The following ACACA variants were observed in gnomAD, a reference collection of about 807,000 sequenced individuals.
The protein encoded by ACACA is acetyl-CoA carboxylase alpha, also known as acetyl-CoA carboxylase 1.
In ACACA, 103 loss-of-function variants were observed where a neutral mutation model predicts 296.1. The ratio of observed to expected loss-of-function variants is 0.35; its 90% CI spans 0.30 to 0.41. The LOEUF (loss-of-function observed/expected upper bound fraction) is 0.41, where lower values mean the gene tolerates loss of function less well. ACACA is among the 10% of genes least tolerant of loss of function. ACACA has a pLI of 1.00. For missense variants in ACACA, 1,554 were observed against 2,989.7 expected (o/e 0.52, Z 11.20); for synonymous variants, 953 against 1,038.6 (o/e 0.92, Z 1.58).
rs531367778 is a variant in ACACA, at chr17:37,103,225, G to C, written c.6566-5241C>G. 8.5e-4 allele frequency among the ~76,000 whole-genome samples: 130 copies of C among 152,238 alleles called. 1 individual carries two copies. Among genetic ancestry groups the C allele is most frequent in the African/African-American group, 2.8e-3 (117 of 41,528 alleles). On this transcript the variant is annotated intron_variant, in intron 52 of 55. Coordinates refer to ENST00000616317, the MANE Select transcript of ACACA (RefSeq NM_198834.3). ...ACAAATATGTCAATGTCTATTTTCTGCTTAATTTAAAAGTGGCGTCTATAA... is the reference window on the plus strand; with the variant it reads ...ACAAATATGTCAATGTCTATTTTCTCCTTAATTTAAAAGTGGCGTCTATAA...
intron 1 of ACACA, among the ~76,000 whole-genome samples, chr17:37,350,794 A>G (rs2048863828): frequency 1.3e-5 from 2 of 149,922 alleles, no homozygotes. Flanking sequence ...AGCCAAGATC[A>G]GGCCATTGTA....
Position 37,227,846 on chromosome 17 carries a change from C to T in ACACA, c.3247-1394G>A, listed in dbSNP as rs895214668. On this transcript the variant is annotated intron_variant, in intron 25 of 55. Transcript: ENST00000616317. ...CTGCACTCCAGCCTGGGCAACAGAGCGAGACTCTGTCTCAAAAAAAAAAAA... is the reference window on the plus strand; with the variant it reads ...CTGCACTCCAGCCTGGGCAACAGAGTGAGACTCTGTCTCAAAAAAAAAAAA... Among the ~76,000 whole-genome samples the T allele has an allele frequency of 6.0e-5, 8 of 132,926 alleles. 1 individual carries two copies. The East Asian group carries it at 1.3e-3, about 21-fold the overall frequency. The allele number at this position is 132,926 out of a possible 152,430, so 87.2% of individuals were successfully genotyped here.
At chr17:37,109,439 G>A (rs2073865885) in intron 52 of ACACA, among the ~76,000 whole-genome samples, 2 of 152,208 alleles carry the variant, frequency 1.3e-5, no homozygotes, top group South Asian at 4.1e-4. Flanking sequence ...GTTCGGAGAA[G>A]TTAAATAATT....
At chr17:37,350,651 C>G (rs964119150) in intron 1 of ACACA, among the ~76,000 whole-genome samples, 1 of 152,000 alleles carries the variant, frequency 6.6e-6, no homozygotes, top group Non-Finnish European at 1.5e-5. Flanking sequence ...AACAGCCTGA[C>G]CAACATGGAG....
Position 37,234,957 on chromosome 17 carries a change from C to T in ACACA, c.3246+18G>A. The T allele has an allele frequency of 1.2e-6, 2 of 1,613,590 alleles. No homozygotes were observed. The highest frequency in any genetic ancestry group is 1.7e-6 in the Non-Finnish European group (2 of 1,179,844). On this transcript the variant is annotated intron_variant, in intron 25 of 55. Coordinates refer to ENST00000616317, the MANE Select transcript of ACACA (RefSeq NM_198834.3). The stretch of plus-strand genomic sequence containing the variant: ...ATATCATTGACGGTCTTTACAAGTT[C>T]TGAAAAATGGTACTCACAATAAGCA...
intron 7 of ACACA, 146 bp from the exon 8 acceptor site, chr17:37,276,195 G>A (rs2082278470): frequency 1.4e-6 from 1 of 693,972 alleles, no homozygotes; most frequent in Admixed American, 2.1e-5. Flanking sequence ...AAATTATGGG[G>A]ACTATTATGC....
At chr17:37,324,670 C>CAA (rs781511745) in intron 3 of ACACA, among the ~76,000 whole-genome samples, 1 of 95,746 alleles carries the variant, frequency 1.0e-5, no homozygotes, top group Non-Finnish European at 2.2e-5. Context: ...AACTCCATCT[C>CAA]AAAAAAAAAA....
intron 35 of ACACA, among the ~76,000 whole-genome samples, chr17:37,194,932 CA>C (rs1339676619): frequency 6.7e-6 from 1 of 150,230 alleles, no homozygotes; most frequent in Non-Finnish European, 1.5e-5. Context: ...AATTCTCTGA[CA>C]CCCCCCCCAC....
chr17:37,243,297 A>G (rs1415686406), intron 22 of ACACA, 74 bp downstream of exon 22: 6 of 1,461,768 alleles, frequency 4.1e-6, no homozygotes, highest in East Asian at 2.3e-5. Context: ...GGAGGATCCA[A>G]ATAGGAAGGA....
chr17:37,366,714 G>T (rs568996512), intron 1 of ACACA, among the ~76,000 whole-genome samples: 3,961 of 151,842 alleles, frequency 0.026, 75 homozygotes, highest in Non-Finnish European at 0.039. Context: ...TGATCCACCC[G>T]CCTTAGCCTC....
intron 54 of ACACA, among the ~76,000 whole-genome samples, chr17:37,091,524 T>C (rs1246500506): frequency 6.6e-6 from 1 of 152,200 alleles, no homozygotes; most frequent in Non-Finnish European, 1.5e-5. Context: ...TGTTGTGGGA[T>C]AATTTGCTCC....
intron 3 of ACACA, among the ~76,000 whole-genome samples, chr17:37,292,235 C>A (rs1336567109): frequency 1.3e-5 from 2 of 152,044 alleles, no homozygotes; most frequent in African/African-American, 4.8e-5. Flanking sequence ...CTAAGTAAAG[C>A]AGTAAGGGGC....
At chr17:37,154,567 G>A (rs2076164975) in intron 43 of ACACA, among the ~76,000 whole-genome samples, 1 of 152,032 alleles carries the variant, frequency 6.6e-6, no homozygotes, top group Non-Finnish European at 1.5e-5. Flanking sequence ...TGTCATCTCG[G>A]CTCACTGCAA....
chr17:37,150,109 A>C, intron 44 of ACACA, 135 bp from the exon 45 acceptor site: 1 of 763,230 alleles, frequency 1.3e-6, no homozygotes. Flanking sequence ...GATTGACAAC[A>C]ACACACACAC....
At chr17:37,200,245 C>G in intron 34 of ACACA, 62 bp from the exon 35 acceptor site, 5 of 1,468,538 alleles carry the variant, frequency 3.4e-6, no homozygotes, top group Non-Finnish European at 4.8e-6. Context: ...GTAACAAAAT[C>G]AAAAAGAAAT....
chr17:37,401,014 T>A (rs1349015481), intron 1 of ACACA, among the ~76,000 whole-genome samples: 1 of 152,130 alleles, frequency 6.6e-6, no homozygotes, highest in Non-Finnish European at 1.5e-5. Context: ...CCACTGACAG[T>A]GTACAGGGTT....
intron 3 of ACACA, among the ~76,000 whole-genome samples, chr17:37,304,613 G>A (rs1300942663): frequency 6.6e-6 from 1 of 152,132 alleles, no homozygotes; most frequent in African/African-American, 2.4e-5. Flanking sequence ...GACCAACGTG[G>A]AGAAACCCCA....
At position 37,337,953 on chromosome 17, in the gene ACACA, C is replaced by T. The variant is rs569852946; in HGVS notation, c.85+1851G>A. On this transcript the variant is annotated intron_variant, in intron 2 of 55. Coordinates refer to ENST00000616317, the MANE Select transcript of ACACA (RefSeq NM_198834.3). ...TCTAATAAATATACAAAAAATTAGC[C>T]GGGCGTAGTGGCGGGCACCTGTAGT... Among the ~76,000 whole-genome samples, 9 of 151,692 alleles carry T rather than the reference C, an allele frequency of 5.9e-5. No homozygotes were observed. The South Asian group carries it at 6.2e-4, about 11-fold the overall frequency.
At chr17:37,349,751 AT>A (rs1361065750) in intron 1 of ACACA, among the ~76,000 whole-genome samples, 50 of 150,438 alleles carry the variant, frequency 3.3e-4, no homozygotes, top group Non-Finnish European at 7.0e-4. Flanking sequence ...TAGAGACAGG[AT>A]TGCACCACGT....
Sources: gnomAD v4.1 joint callset for allele counts (sites outside exome capture counted in the v4.1 genomes callset) on GRCh38, gnomAD v4.1.1 for gene constraint, MANE v1.5 for transcripts, NCBI Gene and HGNC (gene_info 2026-07-23, HGNC 2026-07-21) for gene names.